The following GSC variants were observed in gnomAD, a reference collection of about 807,000 sequenced individuals.
GSC encodes the protein homeobox protein goosecoid.
A neutral mutation model predicts 24.5 loss-of-function variants in GSC; 13 were observed. The ratio of observed to expected loss-of-function variants is 0.53; its 90% CI spans 0.35 to 0.84. The LOEUF is 0.84. Ranked by LOEUF, GSC falls within the 40% of genes least tolerant of loss-of-function variation. The probability of loss-of-function intolerance (pLI) is 0.01; values close to 1 mark genes in which losing one functional copy is unlikely to be tolerated. For synonymous variants in GSC, 199 were observed against 182.1 expected (o/e 1.09, Z -0.75); for missense variants, 382 against 384.2 (o/e 0.99, Z 0.05).
chr14:94,770,082 G>C lies in GSC; in HGVS notation c.-67C>G. ...CCGAGGACAGAGCCTTAAAGTGGGGGGGTCCACTCTCCTCCAGCCGCCGAC... is the reference window on the plus strand; with the variant it reads ...CCGAGGACAGAGCCTTAAAGTGGGGCGGTCCACTCTCCTCCAGCCGCCGAC... On this transcript the variant is annotated 5_prime_UTR_variant, in exon 1 of 3. Transcript: ENST00000238558. The C allele has an allele frequency of 2.1e-6, 3 of 1,410,308 alleles. No individual in the cohort carries two copies. Among genetic ancestry groups the C allele is most frequent in the Admixed American group, 2.1e-5 (1 of 46,856 alleles). The allele number at this position is 1,410,308 out of a possible 1,614,324, so 87.4% of individuals were successfully genotyped here.
chr14:94,769,894 TC>T lies in GSC; in HGVS notation c.121del (p.Asp41ThrfsTer99). On this transcript the variant is annotated frameshift_variant, in exon 1 of 3. Transcript: ENST00000238558. LOFTEE classifies it high-confidence loss of function. ...APVVFPALHG[D>X]SLYGASGGAS... ...GCCGCCGCTGGCGCCGTAGAGCGAG[TC>T]CCCGTGCAGGGCCGGGAAGACGACG... is the stretch of plus-strand genomic sequence containing the variant. The T allele has an allele frequency of 6.6e-7, 1 of 1,512,606 alleles. No individual in the cohort carries two copies. Among genetic ancestry groups the T allele is most frequent in the Non-Finnish European group, 8.8e-7 (1 of 1,138,374 alleles). The allele number at this position is 1,512,606 out of a possible 1,614,324, so 93.7% of individuals were successfully genotyped here. A position where few individuals can be genotyped will look rare whatever the true frequency, so the allele number is the denominator to read the frequency against.
Position 94,769,014 on chromosome 14 carries a change from C to G in GSC, c.559G>C (p.Val187Leu), listed in dbSNP as rs369844550. ...CGGGCCAGCTGCTCGCGCGTGCCCA[C>G]GTCCGGGTACTTGGTCTCCTGGAAG... Reference protein sequence around the residue: ...NLFQETKYPDVGTREQLARKV... With the variant: ...NLFQETKYPDLGTREQLARKV... Residue 187 changes from valine (V) to leucine (L), a missense_variant, in exon 2 of 3, where the codon GTG (valine) becomes CTG (leucine). Coordinates refer to ENST00000238558, the MANE Select transcript of GSC (RefSeq NM_173849.3). 3 of 1,596,758 alleles carry G rather than the reference C, an allele frequency of 1.9e-6. No homozygotes were observed. The Admixed American group carries it at 5.2e-5, about 28-fold the overall frequency.
At position 94,769,076 on chromosome 14, in the gene GSC, A is replaced by T; in HGVS notation, c.497T>A (p.Ile166Asn). The part of the protein sequence containing the change: ...HCRRKRRHRT[I>N]FTDEQLEALE... ...AGCTTCGAGCTGCTCGTCAGTGAAG[A>T]TGGTGCGGTGCCGCCGCTTCCGCCG... The change falls in exon 2 of 3, where the codon ATC becomes AAC. Residue 166 changes from isoleucine (I) to asparagine (N), a missense_variant. Coordinates refer to ENST00000238558, the MANE Select transcript of GSC (RefSeq NM_173849.3). 1 of 1,594,020 alleles carries T rather than the reference A, an allele frequency of 6.3e-7. No homozygotes were observed. The highest frequency in any genetic ancestry group is 8.5e-7 in the Non-Finnish European group (1 of 1,171,184).
intron 2 of GSC, 31 bp downstream of exon 2, chr14:94,768,927 C>T: frequency 6.4e-7 from 1 of 1,562,440 alleles, no homozygotes; most frequent in Non-Finnish European, 8.7e-7. Context: ...GGAAGGACCG[C>T]TAGGCGCCCA....
intron 2 of GSC, 85 bp downstream of exon 2, chr14:94,768,873 G>A (rs1480001835): frequency 6.6e-7 from 1 of 1,514,284 alleles, no homozygotes; most frequent in Non-Finnish European, 8.9e-7. Flanking sequence ...TGCGGGGAGA[G>A]CCAAGCAGGG....
rs868545171 is a variant in GSC at position 94,770,012 on chromosome 14, G to T, written c.4C>A (p.Pro2Thr). 1 of 1,552,136 alleles carries T rather than the reference G, an allele frequency of 6.4e-7. No individual in the cohort carries two copies. Among genetic ancestry groups the T allele is most frequent in the Non-Finnish European group, 8.6e-7 (1 of 1,157,674 alleles). M[P>T]ASMFSIDNIL... The stretch of plus-strand genomic sequence containing the variant: ...TTGTCGATGCTGAACATGCTGGCGG[G>T]CATCCCCGAGCCCCGCGTCGGGACC... The change falls in exon 1 of 3, where the codon CCC becomes ACC. Residue 2 changes from proline (P) to threonine (T), a missense_variant. By Grantham distance (38) the Pro-to-Thr change is conservative (BLOSUM62 -1). Transcript: ENST00000238558.
At chr14:94,769,284 C>A in intron 1 of GSC, 67 bp from the exon 2 acceptor site, 1 of 1,520,554 alleles carries the variant, frequency 6.6e-7, no homozygotes, top group Non-Finnish European at 8.9e-7. Context: ...CGCCCGCCAG[C>A]CCCCGACCCT....
At position 94,769,291 on chromosome 14, in the gene GSC, C is replaced by A. The variant is rs1244646255; in HGVS notation, c.356-74G>T. ...CGCATGCACGCCCGCCAGCCCCCGACCCTCTTCCACTTAGAAGTCGTCTGC... is the reference window on the plus strand; with the variant it reads ...CGCATGCACGCCCGCCAGCCCCCGAACCTCTTCCACTTAGAAGTCGTCTGC... On this transcript the variant is annotated intron_variant, in intron 1 of 2. Coordinates refer to ENST00000238558, the MANE Select transcript of GSC (RefSeq NM_173849.3). 5 of 1,511,388 alleles carry A rather than the reference C, an allele frequency of 3.3e-6. No homozygotes were observed. The African/African-American group carries it at 5.5e-5, about 17-fold the overall frequency. The allele number at this position is 1,511,388 out of a possible 1,614,324, so 93.6% of individuals were successfully genotyped here.
Position 94,770,041 on chromosome 14 carries a change from G to C in GSC, c.-26C>G, listed in dbSNP as rs183171414. 453 of 1,535,488 alleles carry C rather than the reference G, an allele frequency of 3.0e-4. 2 individuals carry two copies. The East Asian group carries it at 0.01, about 35-fold the overall frequency. ...CCCCGAGCCCCGCGTCGGGACCGGG[G>C]GGCGGCGGGAACGCGCCGAGGACAG... On this transcript the variant is annotated 5_prime_UTR_variant, in exon 1 of 3. Coordinates refer to ENST00000238558, the MANE Select transcript of GSC (RefSeq NM_173849.3).
At position 94,768,906 on chromosome 14, in the gene GSC, C is replaced by T. The variant is rs1453839073; in HGVS notation, c.615+52G>A. On this transcript the variant is annotated intron_variant, in intron 2 of 2. Transcript: ENST00000238558. ...GGGCTGGGCAAACCCGACTGGGGCC[C>T]CACCTCGCGGGGAAGGACCGCTAGG... The T allele has an allele frequency of 2.6e-6, 4 of 1,550,452 alleles. No individual in the cohort carries two copies. The African/African-American group carries it at 5.5e-5, about 21-fold the overall frequency.
In GSC at chr14:94,768,549, T is replaced by A; in HGVS notation, c.716A>T (p.Lys239Met). Reference protein sequence around the residue: ...AEKWNKTSSSKASPEKREEEG... With the variant: ...AEKWNKTSSSMASPEKREEEG... ...CTCTTCCCTCTTCTCCGGTGACGCC[T>A]TCGACGACGACGTCTTGTTCCACTT... Residue 239 changes from lysine to methionine, a missense_variant, in exon 3 of 3, where the codon AAG becomes ATG. By Grantham distance (95) the Lys-to-Met change is moderately conservative (BLOSUM62 -1). Transcript: ENST00000238558. 1 of 1,614,208 alleles carries A rather than the reference T, an allele frequency of 6.2e-7. No homozygotes were observed. Among genetic ancestry groups the A allele is most frequent in the East Asian group, 2.2e-5 (1 of 44,884 alleles).
At position 94,769,150 on chromosome 14, in the gene GSC, C is replaced by A; in HGVS notation, c.423G>T (p.Val141=). Residue 141 remains valine, a synonymous_variant, in exon 2 of 3, where the codon GTG becomes GTT. Coordinates refer to ENST00000238558, the MANE Select transcript of GSC (RefSeq NM_173849.3). ...GCAGCTCGGTGCGCGACAGCGTGCC[C>A]ACGTTCATGTAGGGCAGCATCTGGT... is the stretch of plus-strand genomic sequence containing the variant. ...VPHQMLPYMN[V]GTLSRTELQL... The A allele has an allele frequency of 6.4e-7, 1 of 1,569,472 alleles. No individual in the cohort carries two copies. The highest frequency in any genetic ancestry group is 1.3e-5 in the African/African-American group (1 of 74,190).
In GSC at chr14:94,769,997, T is replaced by C; in HGVS notation, c.19A>G (p.Ser7Gly). 1.3e-6 allele frequency: 2 copies of C among 1,559,560 alleles called. No individual in the cohort carries two copies. The highest frequency in any genetic ancestry group is 1.2e-5 in the South Asian group (1 of 85,916). The change falls in exon 1 of 3, where the codon AGC (serine) becomes GGC (glycine). Residue 7 changes from serine to glycine, a missense_variant. Ser to Gly is a moderately conservative substitution (Grantham distance 56). Coordinates refer to ENST00000238558, the MANE Select transcript of GSC (RefSeq NM_173849.3). MPASMFSIDNILAARPR... is the reference protein window; with the variant it reads MPASMFGIDNILAARPR... Reference sequence around the variant, plus strand: ...CGGGCGGCTAGGATGTTGTCGATGCTGAACATGCTGGCGGGCATCCCCGAG... The same window carrying C: ...CGGGCGGCTAGGATGTTGTCGATGCCGAACATGCTGGCGGGCATCCCCGAG...
chr14:94,768,449 C>T lies in GSC; in HGVS notation c.*42G>A. 1.2e-6 allele frequency: 2 copies of T among 1,612,920 alleles called. No individual in the cohort carries two copies. Reference sequence around the variant, plus strand: ...GTAGCATCGTCTGTCTGTGCAAGTCCTTCGAGTTAGGTAAGTAATACGGGC... The same window carrying T: ...GTAGCATCGTCTGTCTGTGCAAGTCTTTCGAGTTAGGTAAGTAATACGGGC... On this transcript the variant is annotated 3_prime_UTR_variant, in exon 3 of 3. Transcript: ENST00000238558.
In GSC at chr14:94,768,478, T is replaced by A. The variant is rs1885213292; in HGVS notation, c.*13A>T. 2 of 1,614,182 alleles carry A rather than the reference T, an allele frequency of 1.2e-6. No individual in the cohort carries two copies. Among genetic ancestry groups the A allele is most frequent in the Non-Finnish European group, 1.7e-6 (2 of 1,180,010 alleles). ...GAGTTAGGTAAGTAATACGGGCAAG[T>A]GTCCCGCGGCCGTCAGCTGTCCGAG... On this transcript the variant is annotated 3_prime_UTR_variant, in exon 3 of 3. Transcript: ENST00000238558.
At position 94,768,962 on chromosome 14, in the gene GSC, A is replaced by T. The variant is rs763348360; in HGVS notation, c.611T>A (p.Val204Glu). The T allele has an allele frequency of 5.7e-6, 9 of 1,583,454 alleles. No individual in the cohort carries two copies. The highest frequency in any genetic ancestry group is 7.7e-6 in the Non-Finnish European group (9 of 1,166,040). The change falls in exon 2 of 3, where the codon GTG (valine) becomes GAG (glutamate). Residue 204 changes from valine (V) to glutamate (E), a missense_variant. Transcript: ENST00000238558. ...ACGGCAGGCCCCGGCGCCTACCTCC[A>T]CTTTCTCCTCGCGGAGGTGCACTTT... ...ARKVHLREEK[V>E]EVWFKNRRAK... is the part of the protein sequence containing the mutation.
chr14:94,768,413 T>A lies in GSC; in HGVS notation c.*78A>T. ...CGACCCCCTCCCGCAAGGCAGCGCGTGTGCAAGAAAGTAGCATCGTCTGTC... is the reference window on the plus strand; with the variant it reads ...CGACCCCCTCCCGCAAGGCAGCGCGAGTGCAAGAAAGTAGCATCGTCTGTC... On this transcript the variant is annotated 3_prime_UTR_variant, in exon 3 of 3. Transcript: ENST00000238558. 6.6e-7 allele frequency: 1 copy of A among 1,524,732 alleles called. No individual in the cohort carries two copies. The highest frequency in any genetic ancestry group is 9.1e-7 in the Non-Finnish European group (1 of 1,099,244). 94.5% of individuals were successfully genotyped at this position (1,524,732 alleles called of 1,614,324 possible).
intron 2 of GSC, 42 bp from the exon 3 acceptor site, chr14:94,768,691 C>A (rs72698873): frequency 0.012 from 18,932 of 1,608,306 alleles, 163 homozygotes; most frequent in African/African-American, 0.036. Context: ...ATCAAAGGCG[C>A]GCTTCCCCCA....
At chr14:94,768,729 T>C in intron 2 of GSC, 80 bp from the exon 3 acceptor site, 2 of 1,575,494 alleles carry the variant, frequency 1.3e-6, no homozygotes, top group Non-Finnish European at 1.7e-6. Context: ...GAGCTTGGTG[T>C]GGCGGCGGGA....
Sources: gnomAD v4.1 joint callset for allele counts on GRCh38, gnomAD v4.1.1 for gene constraint, MANE v1.5 for transcripts, NCBI Gene and HGNC (gene_info 2026-07-23, HGNC 2026-07-21) for gene names.